Variants in DGKI observed in about 807,000 individuals in gnomAD.
DGKI encodes the protein diacylglycerol kinase iota.
A neutral mutation model predicts 147.5 loss-of-function variants in DGKI; 55 were observed. The observed-to-expected ratio is 0.37, with a 90% CI of 0.30 to 0.47. The LOEUF (loss-of-function observed/expected upper bound fraction) is 0.47. Among genes scored for constraint, DGKI ranks in the 20% least tolerant of loss-of-function variants. The pLI is 1.00. For missense variants in DGKI, 1,007 were observed against 1,323.8 expected, an observed-to-expected ratio of 0.76 and a Z score of 3.71; for synonymous variants, 469 against 477.1, an observed-to-expected ratio of 0.98 and a Z score of 0.22.
intron 23 of DGKI, among the ~76,000 whole-genome samples, chr7:137,473,783 G>A (rs1774133282): frequency 6.6e-6 from 1 of 151,962 alleles, no homozygotes; most frequent in African/African-American, 2.4e-5. Flanking sequence ...AGTGCCTTAA[G>A]TTCTTCTACT....
At chr7:137,414,270 T>C (rs1481155424) in intron 28 of DGKI, among the ~76,000 whole-genome samples, 2 of 152,208 alleles carry the variant, frequency 1.3e-5, no homozygotes, top group East Asian at 1.9e-4. Context: ...TGGAAATTTA[T>C]AGAAATGATG....
intron 3 of DGKI, among the ~76,000 whole-genome samples, chr7:137,675,435 A>G (rs1822998659): frequency 1.4e-5 from 2 of 139,772 alleles, no homozygotes; most frequent in Non-Finnish European, 2.9e-5. Context: ...CTGTAATCCC[A>G]GCAATTTGGG....
chr7:137,618,084 A>G (rs1305267402), intron 8 of DGKI, among the ~76,000 whole-genome samples: 2 of 116,780 alleles, frequency 1.7e-5, no homozygotes, highest in Non-Finnish European at 3.6e-5. Flanking sequence ...CCATACCACT[A>G]GGCTATTTTA....
Position 137,463,480 on chromosome 7 carries a change from A to G in DGKI, c.2735+9T>C. 1.2e-6 allele frequency: 2 copies of G among 1,613,554 alleles called. No individual in the cohort carries two copies. Among genetic ancestry groups the G allele is most frequent in the Non-Finnish European group, 1.7e-6 (2 of 1,179,908 alleles). ...GCACAGAGGAAAAGAACAGCAAGAG[A>G]ACTCTTACTGTAGCACGCGGGAGTG... On this transcript the variant is annotated intron_variant, in intron 27 of 32. Coordinates refer to ENST00000614521, the MANE Select transcript of DGKI (RefSeq NM_001321708.2).
intron 8 of DGKI, among the ~76,000 whole-genome samples, chr7:137,618,999 G>A (rs1216431060): frequency 6.6e-6 from 1 of 152,190 alleles, no homozygotes; most frequent in Non-Finnish European, 1.5e-5. Context: ...ATCACATGAT[G>A]AGTCTGGAGA....
intron 19 of DGKI, among the ~76,000 whole-genome samples, chr7:137,565,755 T>C (rs1278427492): frequency 2.6e-5 from 4 of 152,008 alleles, no homozygotes; most frequent in African/African-American, 9.7e-5. Flanking sequence ...TGGCAGAAAA[T>C]TGTGGCAGAA....
chr7:137,838,098 G>A (rs966120920), intron 1 of DGKI, among the ~76,000 whole-genome samples: 1 of 150,912 alleles, frequency 6.6e-6, no homozygotes, highest in African/African-American at 2.4e-5. Context: ...CGCCTCCCGG[G>A]TTCAAGCAAT....
intron 2 of DGKI, among the ~76,000 whole-genome samples, chr7:137,679,719 G>A (rs1160302961): frequency 1.3e-5 from 2 of 152,120 alleles, no homozygotes; most frequent in East Asian, 3.9e-4. Flanking sequence ...CAGACACGGT[G>A]GCTCACACCT....
At chr7:137,799,704 A>C (rs1367074481) in intron 1 of DGKI, among the ~76,000 whole-genome samples, 1 of 152,204 alleles carries the variant, frequency 6.6e-6, no homozygotes, top group African/African-American at 2.4e-5. Flanking sequence ...TTCTGATGTA[A>C]GCCAGCCAGC....
At chr7:137,539,699 G>GA (rs1024479081) in intron 20 of DGKI, among the ~76,000 whole-genome samples, 1 of 151,068 alleles carries the variant, frequency 6.6e-6, no homozygotes, top group Non-Finnish European at 1.5e-5. Flanking sequence ...AAAAAAATGG[G>GA]AAAAAAAGAG....
intron 1 of DGKI, among the ~76,000 whole-genome samples, chr7:137,778,328 C>CCA (rs1796419822): frequency 6.6e-6 from 1 of 151,946 alleles, no homozygotes; most frequent in Non-Finnish European, 1.5e-5. Flanking sequence ...TCAATAAAGC[C>CCA]AGAGAGTGCA....
At chr7:137,568,816 A>T (rs1401430016) in intron 19 of DGKI, among the ~76,000 whole-genome samples, 2 of 151,912 alleles carry the variant, frequency 1.3e-5, no homozygotes, top group Admixed American at 6.6e-5. Flanking sequence ...TCCACTAATT[A>T]CCCAGTTTCA....
intron 1 of DGKI, among the ~76,000 whole-genome samples, chr7:137,743,710 G>T (rs545567799): frequency 3.9e-5 from 6 of 152,220 alleles, no homozygotes; most frequent in African/African-American, 1.4e-4. Flanking sequence ...TTGGCCGGGC[G>T]CGGTGGCTGA....
chr7:137,597,815 G>T (rs1400444295), intron 12 of DGKI, 32 bp downstream of exon 12: 1 of 1,592,668 alleles, frequency 6.3e-7, no homozygotes. Flanking sequence ...GATAGAATTG[G>T]CAGAGAACTG....
chr7:137,468,469 T>C (rs1337147771), intron 24 of DGKI, among the ~76,000 whole-genome samples: 1 of 152,234 alleles, frequency 6.6e-6, no homozygotes, highest in African/African-American at 2.4e-5. Context: ...CAAATGATTA[T>C]GTTTCTCATT....
At chr7:137,736,591 C>A (rs115440866) in intron 1 of DGKI, among the ~76,000 whole-genome samples, 2,952 of 152,186 alleles carry the variant, frequency 0.019, 99 homozygotes, top group African/African-American at 0.066. Context: ...CCTTTTAATA[C>A]GAGAAGGTCA....
intron 21 of DGKI, among the ~76,000 whole-genome samples, chr7:137,519,302 T>A (rs777028241): frequency 5.0e-4 from 76 of 152,166 alleles, no homozygotes; most frequent in Non-Finnish European, 6.0e-4. Flanking sequence ...GAAGATGGGC[T>A]TTGTTAGGTG....
At chr7:137,467,020 T>C (rs1434419200) in intron 24 of DGKI, 78 bp from the exon 25 acceptor site, 8 of 1,442,296 alleles carry the variant, frequency 5.5e-6, no homozygotes, top group South Asian at 2.3e-5. Context: ...TCTTCGACTA[T>C]GCTGGTCAAA....
chr7:137,804,761 C>A (rs1170556994), intron 1 of DGKI, among the ~76,000 whole-genome samples: 2 of 152,138 alleles, frequency 1.3e-5, no homozygotes, highest in African/African-American at 4.8e-5. Context: ...CTTTGCCTGT[C>A]TACAAAAAGA....
Sources: allele counts gnomAD v4.1 joint callset (sites outside exome capture counted in the v4.1 genomes callset), GRCh38; gene constraint gnomAD v4.1.1; transcripts MANE v1.5; gene names NCBI Gene and HGNC (gene_info 2026-07-23, HGNC 2026-07-21).